Variants in FMNL3 observed in about 807,000 individuals in gnomAD.
The protein encoded by FMNL3 is formin like 3.
A neutral mutation model predicts 119.6 loss-of-function variants in FMNL3; 57 were observed. That is an observed-to-expected ratio of 0.48 (90% confidence interval 0.39 to 0.59). The LOEUF (loss-of-function observed/expected upper bound fraction) is 0.59, where lower values mean the gene tolerates loss of function less well. FMNL3 is among the 20% of genes least tolerant of loss of function. The probability of loss-of-function intolerance (pLI) is 0.00; values close to 1 mark genes in which losing one functional copy is unlikely to be tolerated. For synonymous variants in FMNL3, 491 were observed against 507.3 expected (o/e 0.97, Z 0.43); for missense variants, 1,053 against 1,323.5 (o/e 0.80, Z 3.17).
At chr12:49,698,866 A>G (rs1016053627) in intron 1 of FMNL3, among the ~76,000 whole-genome samples, 2 of 152,220 alleles carry the variant, frequency 1.3e-5, no homozygotes, top group African/African-American at 4.8e-5. Flanking sequence ...GCTCAGTTCT[A>G]TTCTGGAATC....
At chr12:49,703,667 T>C (rs1308023914) in intron 1 of FMNL3, among the ~76,000 whole-genome samples, 3 of 152,196 alleles carry the variant, frequency 2.0e-5, no homozygotes, top group Non-Finnish European at 4.4e-5. Context: ...AGCACACTAG[T>C]AGGGAAGCCC....
intron 6 of FMNL3, among the ~76,000 whole-genome samples, 168 bp downstream of exon 6, chr12:49,658,274 T>G (rs1158668184): frequency 6.7e-6 from 1 of 149,970 alleles, no homozygotes; most frequent in Non-Finnish European, 1.5e-5. Context: ...CTGGGCAGAG[T>G]CAAGGAGACA....
In FMNL3 at chr12:49,637,700, G is replaced by GC; in HGVS notation, c.*8114dup. 1 of 1,127,758 alleles carries GC rather than the reference G, an allele frequency of 8.9e-7. No individual in the cohort carries two copies. The highest frequency in any genetic ancestry group is 1.3e-5 in the South Asian group (1 of 77,240). 69.9% of individuals were successfully genotyped at this position (1,127,758 alleles called of 1,614,324 possible). On this transcript the variant is annotated 3_prime_UTR_variant, in exon 26 of 26. Coordinates refer to ENST00000335154, the MANE Select transcript of FMNL3 (RefSeq NM_175736.5). ...AGCCCCCAGGCCTTGGGAAGCTGCC[G>GC]CCCGCCAGGCCCCCCTCCCTCCCTC...
rs780351982 is a variant in FMNL3 at position 49,645,846 on chromosome 12, C to A, written c.3053G>T (p.Ser1018Ile). 1.2e-6 allele frequency: 2 copies of A among 1,606,190 alleles called. No individual in the cohort carries two copies. Among genetic ancestry groups the A allele is most frequent in the East Asian group, 2.3e-5 (1 of 44,382 alleles). The change falls in exon 26 of 26, where the codon AGT (serine) becomes ATT (isoleucine). Residue 1018 changes from serine to isoleucine, a missense_variant. By Grantham distance (142) the Ser-to-Ile change is moderately radical. This residue lies in a region of FMNL3 where 324 missense variants were observed against 380.9 expected (regional missense o/e 0.85). Coordinates refer to ENST00000335154, the MANE Select transcript of FMNL3 (RefSeq NM_175736.5). ...GGGGCCTGGAGCCCGAGGGGGACCACTGGGCGGTGCAGCACTCCTGGCTTG... is the reference window on the plus strand; with the variant it reads ...GGGGCCTGGAGCCCGAGGGGGACCAATGGGCGGTGCAGCACTCCTGGCTTG... ...RHQARSAAPP[S>I]GPPRAPGPH
intron 1 of FMNL3, among the ~76,000 whole-genome samples, chr12:49,694,883 G>T (rs1944711420): frequency 6.6e-6 from 1 of 151,906 alleles, no homozygotes; most frequent in Non-Finnish European, 1.5e-5. Flanking sequence ...CTGCACTCCA[G>T]CCTGGGCAAC....
chr12:49,697,294 C>T (rs1944777053), intron 1 of FMNL3, among the ~76,000 whole-genome samples: 1 of 152,216 alleles, frequency 6.6e-6, no homozygotes, highest in Admixed American at 6.5e-5. Flanking sequence ...AGGTCCACCT[C>T]TTTCCTAAAG....
intron 3 of FMNL3, 36 bp downstream of exon 3, chr12:49,666,091 G>C (rs367835573): frequency 1.9e-6 from 3 of 1,600,086 alleles, no homozygotes; most frequent in East Asian, 2.2e-5. Context: ...GACTATAAAG[G>C]GTGGCAAGAC....
At chr12:49,704,122 A>C (rs572444857) in intron 1 of FMNL3, among the ~76,000 whole-genome samples, 85 of 152,232 alleles carry the variant, frequency 5.6e-4, no homozygotes, top group Middle Eastern at 6.8e-3. Flanking sequence ...TCCACACAAC[A>C]ACCTCATGTG....
In FMNL3 at chr12:49,644,221, T is replaced by C. The variant is rs773956754; in HGVS notation, c.*1594A>G. On this transcript the variant is annotated 3_prime_UTR_variant, in exon 26 of 26. Transcript: ENST00000335154. ...AATGAGCTGTTCTCTGCCTCGGGTCTGTGTGAGGCCATGGCTCCTGGGCCA... is the reference window on the plus strand; with the variant it reads ...AATGAGCTGTTCTCTGCCTCGGGTCCGTGTGAGGCCATGGCTCCTGGGCCA... The C allele has an allele frequency of 6.2e-7, 1 of 1,611,198 alleles. No homozygotes were observed. The highest frequency in any genetic ancestry group is 8.5e-7 in the Non-Finnish European group (1 of 1,177,570).
rs370734619 is a variant in FMNL3 at position 49,647,765 on chromosome 12, G to C, written c.2716C>G (p.Pro906Ala). 9 of 1,613,982 alleles carry C rather than the reference G, an allele frequency of 5.6e-6. No individual in the cohort carries two copies. In the African/African-American group the frequency reaches 8.0e-5, roughly 14 times the overall value. The stretch of plus-strand genomic sequence containing the variant: ...AATACAGAAGGAGGTGTAGTCTTGG[G>C]ACTCTCGCCAAAGTAGCGCACAACT... ...NAVVRYFGES[P>A]KTTPPSVFFP... Residue 906 changes from proline to alanine, a missense_variant, in exon 23 of 26, where the codon CCC becomes GCC. Coordinates refer to ENST00000335154, the MANE Select transcript of FMNL3 (RefSeq NM_175736.5). The surrounding 1 kb of genome is among the most constrained non-coding windows in gnomAD (Gnocchi z 4.9).
intron 1 of FMNL3, among the ~76,000 whole-genome samples, chr12:49,698,014 C>T (rs1944798479): frequency 6.6e-6 from 1 of 152,176 alleles, no homozygotes; most frequent in African/African-American, 2.4e-5. Flanking sequence ...TGTGTAAAAA[C>T]AAGAACAGAA....
intron 2 of FMNL3, 133 bp from the exon 3 acceptor site, chr12:49,666,340 A>G: frequency 2.8e-6 from 2 of 711,040 alleles, no homozygotes; most frequent in East Asian, 2.7e-5. Context: ...CTGGCTCTAG[A>G]TATCACCTAA....
chr12:49,642,770 G>C lies in FMNL3; in HGVS notation c.*3045C>G. 2.1e-6 allele frequency: 3 copies of C among 1,448,114 alleles called. No individual in the cohort carries two copies. Among genetic ancestry groups the C allele is most frequent in the Non-Finnish European group, 2.8e-6 (3 of 1,052,990 alleles). The allele number at this position is 1,448,114 out of a possible 1,614,324, so 89.7% of individuals were successfully genotyped here. A position where few individuals can be genotyped will look rare whatever the true frequency, so the allele number is the denominator to read the frequency against. ...CAGTGGCCTCCCTCTTACCCTTAGG[G>C]CACTCCTGGCCAGCTAAGGAAGGGG... is the stretch of plus-strand genomic sequence containing the variant. On this transcript the variant is annotated 3_prime_UTR_variant, in exon 26 of 26. Transcript: ENST00000335154. The surrounding 1 kb of genome is among the most constrained non-coding windows in gnomAD (Gnocchi z 5.8).
chr12:49,699,443 T>C (rs1944843019), intron 1 of FMNL3, among the ~76,000 whole-genome samples: 1 of 152,024 alleles, frequency 6.6e-6, no homozygotes. Context: ...AGCAGTTGTT[T>C]CCCCACAGAC....
intron 1 of FMNL3, among the ~76,000 whole-genome samples, chr12:49,675,428 T>C (rs1332519641): frequency 1.3e-5 from 2 of 152,212 alleles, no homozygotes; most frequent in Admixed American, 6.5e-5. Context: ...GCATTCTCCC[T>C]GCAGCCAACC....
chr12:49,643,553 C>G lies in FMNL3; in HGVS notation c.*2262G>C. The G allele has an allele frequency of 2.2e-6, 3 of 1,357,760 alleles. No individual in the cohort carries two copies. Among genetic ancestry groups the G allele is most frequent in the Non-Finnish European group, 3.0e-6 (3 of 1,005,142 alleles). 84.1% of individuals were successfully genotyped at this position (1,357,760 alleles called of 1,614,324 possible). On this transcript the variant is annotated 3_prime_UTR_variant, in exon 26 of 26. Coordinates refer to ENST00000335154, the MANE Select transcript of FMNL3 (RefSeq NM_175736.5). Reference sequence around the variant, plus strand: ...TTCCTCTACCTGCCCAAGCAAGAAGCTGGAGAAGGAAAACTGGACTTAGAC... The same window carrying G: ...TTCCTCTACCTGCCCAAGCAAGAAGGTGGAGAAGGAAAACTGGACTTAGAC...
At chr12:49,680,146 A>G (rs1211506261) in intron 1 of FMNL3, among the ~76,000 whole-genome samples, 3 of 152,266 alleles carry the variant, frequency 2.0e-5, no homozygotes, top group Non-Finnish European at 4.4e-5. Context: ...CTGCCCAAAG[A>G]GACAGCAGAG....
intron 1 of FMNL3, among the ~76,000 whole-genome samples, chr12:49,700,693 C>T (rs1432922200): frequency 4.9e-5 from 6 of 121,710 alleles, no homozygotes; most frequent in Non-Finnish European, 9.6e-5. Context: ...CCAACCTGGG[C>T]GACACAGCAA....
chr12:49,638,020 G>T lies in FMNL3; in HGVS notation c.*7795C>A. 1.7e-6 allele frequency: 1 copy of T among 577,660 alleles called. No homozygotes were observed. The highest frequency in any genetic ancestry group is 1.9e-5 in the African/African-American group (1 of 53,618). The allele number at this position is 577,660 out of a possible 1,614,324, so 35.8% of individuals were successfully genotyped here. ...ACCACAGGAGCTCATGGTCTAATAG[G>T]AAGATATACATGAGAACTGTTATAC... On this transcript the variant is annotated 3_prime_UTR_variant, in exon 26 of 26. Transcript: ENST00000335154.
Sources: allele counts gnomAD v4.1 joint callset (sites outside exome capture counted in the v4.1 genomes callset), GRCh38; gene constraint gnomAD v4.1.1; regional missense constraint gnomAD v4.1.1; non-coding constraint Gnocchi (gnomAD v3.1); transcripts MANE v1.5; gene names NCBI Gene and HGNC (gene_info 2026-07-23, HGNC 2026-07-21).